Variants in LRRTM4 observed in about 807,000 individuals in gnomAD.
LRRTM4 encodes the protein leucine rich repeat transmembrane neuronal 4, also known as leucine-rich repeat transmembrane neuronal protein 4.
A neutral mutation model predicts 47.6 loss-of-function variants in LRRTM4; 25 were observed. That is an observed-to-expected ratio of 0.53 (90% CI 0.38 to 0.73). The LOEUF is 0.73. LRRTM4 is among the 30% of genes least tolerant of loss of function. LRRTM4 has a pLI of 0.00. For missense variants in LRRTM4, 638 were observed against 713.4 expected (o/e 0.89, Z 1.20); for synonymous variants, 311 against 269.5 (o/e 1.15, Z -1.51).
intron 3 of LRRTM4, among the ~76,000 whole-genome samples, chr2:76,951,884 T>C (rs980433919): frequency 3.3e-5 from 5 of 151,970 alleles, no homozygotes; most frequent in African/African-American, 1.2e-4. Context: ...ATGCAGTGTT[T>C]AGTTTTCTGT....
intron 3 of LRRTM4, among the ~76,000 whole-genome samples, chr2:77,272,165 A>G (rs1181934210): frequency 6.6e-6 from 1 of 152,144 alleles, no homozygotes; most frequent in African/African-American, 2.4e-5. Flanking sequence ...CCATGCGTCT[A>G]TCAACATATA....
chr2:76,936,954 C>CAAAAAAAAAA (rs56140303), intron 3 of LRRTM4, among the ~76,000 whole-genome samples: 309 of 22,692 alleles, frequency 0.014, 49 homozygotes, highest in Non-Finnish European at 0.016. Flanking sequence ...GACTCCATCT[C>CAAAAAAAAAA]AAAAAAAAAA....
intron 3 of LRRTM4, among the ~76,000 whole-genome samples, chr2:76,799,655 T>C (rs1675548232): frequency 7.5e-6 from 1 of 132,682 alleles, no homozygotes; most frequent in Non-Finnish European, 1.6e-5. Flanking sequence ...AAAGAGGAAG[T>C]CAAATTGTCC....
At chr2:77,355,734 T>C (rs895225398) in intron 3 of LRRTM4, among the ~76,000 whole-genome samples, 6 of 152,182 alleles carry the variant, frequency 3.9e-5, no homozygotes, top group Admixed American at 2.0e-4. Context: ...CCAGTTTGTC[T>C]AATTGGCTCT....
intron 3 of LRRTM4, among the ~76,000 whole-genome samples, chr2:77,288,985 C>T (rs1279148000): frequency 6.6e-6 from 1 of 152,010 alleles, no homozygotes; most frequent in East Asian, 1.9e-4. Flanking sequence ...AAACAGTTTG[C>T]CCTTTGCAAT....
At chr2:77,028,121 G>C (rs1678516961) in intron 3 of LRRTM4, among the ~76,000 whole-genome samples, 1 of 151,934 alleles carries the variant, frequency 6.6e-6, no homozygotes, top group Non-Finnish European at 1.5e-5. Flanking sequence ...ATCTCTGTTA[G>C]GCTCTATATG....
chr2:76,843,214 A>G (rs1671738307), intron 3 of LRRTM4, among the ~76,000 whole-genome samples: 3 of 152,148 alleles, frequency 2.0e-5, no homozygotes, highest in African/African-American at 7.2e-5. Context: ...GAGAGGAAAC[A>G]AGGGAGGAGT....
At chr2:77,399,767 C>T (rs1213894074) in intron 3 of LRRTM4, among the ~76,000 whole-genome samples, 1 of 151,946 alleles carries the variant, frequency 6.6e-6, no homozygotes, top group East Asian at 1.9e-4. Context: ...AGAACAAGGA[C>T]GAAATCATTG....
intron 3 of LRRTM4, among the ~76,000 whole-genome samples, chr2:77,219,405 C>T (rs1246212501): frequency 6.6e-6 from 1 of 152,124 alleles, no homozygotes; most frequent in African/African-American, 2.4e-5. Context: ...GGCCTCAAAT[C>T]CCTTCCCCCA....
intron 3 of LRRTM4, among the ~76,000 whole-genome samples, chr2:76,846,711 G>C (rs1015919646): frequency 1.3e-5 from 2 of 152,054 alleles, no homozygotes; most frequent in Middle Eastern, 3.2e-3. Flanking sequence ...CATCTGGTTG[G>C]TTTGCCTGCT....
At chr2:77,108,626 C>T (rs1671164198) in intron 3 of LRRTM4, among the ~76,000 whole-genome samples, 2 of 150,288 alleles carry the variant, frequency 1.3e-5, no homozygotes, top group African/African-American at 4.9e-5. Context: ...CTCTGTCGCC[C>T]AGGCTGGAGT....
At chr2:77,255,849 A>G (rs1675751001) in intron 3 of LRRTM4, among the ~76,000 whole-genome samples, 1 of 152,102 alleles carries the variant, frequency 6.6e-6, no homozygotes, top group African/African-American at 2.4e-5. Context: ...CTAAATTCCC[A>G]CATTAAGGAA....
intron 3 of LRRTM4, among the ~76,000 whole-genome samples, chr2:77,304,527 T>C (rs1677221518): frequency 6.6e-6 from 1 of 152,100 alleles, no homozygotes; most frequent in Admixed American, 6.5e-5. Flanking sequence ...AAAAAAATAG[T>C]CAGCTGGCAA....
intron 3 of LRRTM4, among the ~76,000 whole-genome samples, chr2:77,330,208 G>A (rs1251067776): frequency 1.3e-5 from 2 of 152,158 alleles, no homozygotes; most frequent in African/African-American, 4.8e-5. Context: ...TGTAGGTGGG[G>A]AGACCATTTG....
chr2:76,748,618 T>C lies in LRRTM4; in HGVS notation c.*77A>G, dbSNP rs578253559. Reference sequence around the variant, plus strand: ...ATGAGCTTGCTCGATTGCGCGATTGTGGACACCCATTCTCCTTTAAGATGA... The same window carrying C: ...ATGAGCTTGCTCGATTGCGCGATTGCGGACACCCATTCTCCTTTAAGATGA... On this transcript the variant is annotated 3_prime_UTR_variant, in exon 4 of 4. Transcript: ENST00000409884. The C allele has an allele frequency of 4.1e-4, 477 of 1,162,252 alleles. 4 individuals are homozygous for C. The South Asian group carries it at 5.8e-3, about 14-fold the overall frequency. The allele number at this position is 1,162,252 out of a possible 1,614,324, so 72.0% of individuals were successfully genotyped here. A position where few individuals can be genotyped will look rare whatever the true frequency, so the allele number is the denominator to read the frequency against.
chr2:76,869,092 C>T (rs1431613421), intron 3 of LRRTM4, among the ~76,000 whole-genome samples: 9 of 152,152 alleles, frequency 5.9e-5, no homozygotes, highest in Admixed American at 4.6e-4. Flanking sequence ...GAGCAGATCA[C>T]GAGGTCAAGA....
intron 3 of LRRTM4, among the ~76,000 whole-genome samples, chr2:77,477,969 A>G (rs1397837043): frequency 1.3e-5 from 2 of 148,944 alleles, no homozygotes; most frequent in South Asian, 2.2e-4. Flanking sequence ...GAAAGAAAGA[A>G]AAAGAAAAAA....
intron 3 of LRRTM4, among the ~76,000 whole-genome samples, chr2:77,454,421 T>G (rs1213228358): frequency 1.3e-5 from 2 of 152,170 alleles, no homozygotes; most frequent in Admixed American, 1.3e-4. Flanking sequence ...TTTACCGCAT[T>G]TCTTATAGCA....
chr2:77,354,501 A>G (rs1168746472), intron 3 of LRRTM4, among the ~76,000 whole-genome samples: 2 of 152,130 alleles, frequency 1.3e-5, no homozygotes, highest in Non-Finnish European at 2.9e-5. Flanking sequence ...CTAACCAACT[A>G]TGTGACTCGG....
Sources: gnomAD v4.1 joint callset for allele counts (sites outside exome capture counted in the v4.1 genomes callset) on GRCh38, gnomAD v4.1.1 for gene constraint, MANE v1.5 for transcripts, NCBI Gene and HGNC (gene_info 2026-07-23, HGNC 2026-07-21) for gene names.